The following CNTNAP2 variants were observed in gnomAD, a reference collection of about 807,000 sequenced individuals.
CNTNAP2 encodes the protein contactin-associated protein-like 2.
In CNTNAP2, 98 loss-of-function variants were observed where a neutral mutation model predicts 155.2. The ratio of observed to expected loss-of-function variants is 0.63; its 90% confidence interval spans 0.54 to 0.75. The LOEUF is 0.75. CNTNAP2 is among the 30% of genes least tolerant of loss of function. The pLI is 0.00. For synonymous variants in CNTNAP2, 651 were observed against 631.2 expected (o/e 1.03, Z -0.47); for missense variants, 1,727 against 1,688.1 (o/e 1.02, Z -0.40).
At chr7:148,282,450 A>T (rs531547627) in intron 21 of CNTNAP2, among the ~76,000 whole-genome samples, 1 of 152,376 alleles carries the variant, frequency 6.6e-6, no homozygotes, top group South Asian at 2.1e-4. Flanking sequence ...GAATGATAGT[A>T]GTGCCAATAT....
rs543797073 is a variant in CNTNAP2 at position 146,620,070 on chromosome 7, T to G, written c.98-154201T>G. Among the ~76,000 whole-genome samples, 8 of 152,316 alleles carry G rather than the reference T, an allele frequency of 5.3e-5. No individual in the cohort carries two copies. The South Asian group carries it at 1.7e-3, about 32-fold the overall frequency. ...ATATATATTTAGAATTTAGACATTT[T>G]TATTCATCTTAACAGTTCTGTTCAC... On this transcript the variant is annotated intron_variant, in intron 1 of 23. Coordinates refer to ENST00000361727, the MANE Select transcript of CNTNAP2 (RefSeq NM_014141.6).
chr7:147,390,780 G>A (rs1796700046), intron 9 of CNTNAP2, among the ~76,000 whole-genome samples: 1 of 151,904 alleles, frequency 6.6e-6, no homozygotes, highest in African/African-American at 2.4e-5. Flanking sequence ...GTGTGGGAGG[G>A]AACTATACAG....
At chr7:147,266,076 G>T (rs1024835935) in intron 8 of CNTNAP2, among the ~76,000 whole-genome samples, 1 of 152,184 alleles carries the variant, frequency 6.6e-6, no homozygotes, top group Non-Finnish European at 1.5e-5. Flanking sequence ...AGGCCAGAGT[G>T]CCTCTTCTCC....
chr7:148,198,018 G>A (rs77788122), intron 18 of CNTNAP2, among the ~76,000 whole-genome samples: 382 of 152,328 alleles, frequency 2.5e-3, no homozygotes, highest in Non-Finnish European at 4.5e-3. Context: ...CTTAATCCAT[G>A]TATCTTTTCC....
intron 8 of CNTNAP2, among the ~76,000 whole-genome samples, chr7:147,285,794 G>A (rs1027154686): frequency 4.0e-5 from 6 of 151,862 alleles, no homozygotes; most frequent in Non-Finnish European, 8.8e-5. Context: ...CCTTGAAGAC[G>A]GGACCAATAG....
At chr7:147,173,902 T>C (rs1281034615) in intron 8 of CNTNAP2, among the ~76,000 whole-genome samples, 2 of 152,126 alleles carry the variant, frequency 1.3e-5, no homozygotes, top group Non-Finnish European at 2.9e-5. Flanking sequence ...TGAGTATACA[T>C]GGAGAAAATT....
chr7:148,045,440 C>T (rs1563179324), intron 15 of CNTNAP2, among the ~76,000 whole-genome samples: 2 of 148,748 alleles, frequency 1.3e-5, no homozygotes, highest in African/African-American at 2.5e-5. Flanking sequence ...GGGTCTTGGG[C>T]GTGAGTCAGG....
intron 9 of CNTNAP2, among the ~76,000 whole-genome samples, chr7:147,380,735 T>C (rs1054053386): frequency 6.6e-6 from 1 of 152,178 alleles, no homozygotes; most frequent in Middle Eastern, 3.2e-3. Flanking sequence ...TACCAAAATA[T>C]ATAGTCATAT....
rs568579181 is a variant in CNTNAP2 at position 147,935,284 on chromosome 7, A to G, written c.2255+31563A>G. Among the ~76,000 whole-genome samples, 8 of 151,938 alleles carry G rather than the reference A, an allele frequency of 5.3e-5. No individual in the cohort carries two copies. The South Asian group carries it at 1.7e-3, about 32-fold the overall frequency. On this transcript the variant is annotated intron_variant, in intron 14 of 23. Coordinates refer to ENST00000361727, the MANE Select transcript of CNTNAP2 (RefSeq NM_014141.6). The stretch of plus-strand genomic sequence containing the variant: ...TGGGATTACAGGCACACGTCACCAC[A>G]CCTGGCTAATTTTTGCATTTTTAGT...
chr7:147,780,696 G>A (rs1045156963), intron 13 of CNTNAP2, among the ~76,000 whole-genome samples: 11 of 152,098 alleles, frequency 7.2e-5, no homozygotes, highest in African/African-American at 2.4e-4. Context: ...AGCTCATTCC[G>A]GTTCCCCTTT....
chr7:146,431,018 G>A (rs1337532375), intron 1 of CNTNAP2, among the ~76,000 whole-genome samples: 1 of 151,920 alleles, frequency 6.6e-6, no homozygotes, highest in Admixed American at 6.6e-5. Flanking sequence ...ACTACATATT[G>A]AGAACTGCTG....
chr7:146,352,748 C>CTTT (rs1201897985), intron 1 of CNTNAP2, among the ~76,000 whole-genome samples: 7 of 66,194 alleles, frequency 1.1e-4, no homozygotes, highest in African/African-American at 6.6e-4. Context: ...TAGCATAATT[C>CTTT]TGTTTTTTTT....
At chr7:147,052,681 G>A (rs1358470864) in intron 4 of CNTNAP2, among the ~76,000 whole-genome samples, 1 of 151,636 alleles carries the variant, frequency 6.6e-6, no homozygotes, top group East Asian at 1.9e-4. Context: ...CTGCTTCATG[G>A]GTTATGTATA....
At chr7:147,647,576 C>G (rs187877306) in intron 13 of CNTNAP2, among the ~76,000 whole-genome samples, 2 of 152,230 alleles carry the variant, frequency 1.3e-5, no homozygotes, top group East Asian at 3.9e-4. Context: ...CATGGCTTTT[C>G]TTGCTCTTCA....
chr7:147,943,749 A>G (rs1285593966), intron 14 of CNTNAP2, among the ~76,000 whole-genome samples: 1 of 134,230 alleles, frequency 7.4e-6, no homozygotes, highest in East Asian at 2.5e-4. Context: ...CCTGAGCAAC[A>G]AAGTGAGACC....
chr7:147,136,038 A>G (rs1360508282), intron 8 of CNTNAP2, among the ~76,000 whole-genome samples: 1 of 151,500 alleles, frequency 6.6e-6, no homozygotes, highest in Admixed American at 6.6e-5. Flanking sequence ...AAAAAAAAAA[A>G]CCTACCTTTT....
chr7:148,357,156 T>A (rs1017034303), intron 21 of CNTNAP2, among the ~76,000 whole-genome samples: 39 of 152,128 alleles, frequency 2.6e-4, no homozygotes, highest in African/African-American at 9.4e-4. Flanking sequence ...GGGACGTAAT[T>A]GAATCATGGG....
At chr7:147,933,271 A>G (rs1215737926) in intron 14 of CNTNAP2, among the ~76,000 whole-genome samples, 1 of 152,134 alleles carries the variant, frequency 6.6e-6, no homozygotes, top group African/African-American at 2.4e-5. Flanking sequence ...AATGTTCTCA[A>G]AAAAATTAAA....
intron 3 of CNTNAP2, among the ~76,000 whole-genome samples, chr7:147,005,604 G>A (rs1489824024): frequency 6.6e-6 from 1 of 152,004 alleles, no homozygotes; most frequent in Non-Finnish European, 1.5e-5. Flanking sequence ...AAGGATATGG[G>A]CCAGGGTGCA....
Sources: allele counts gnomAD v4.1 joint callset (sites outside exome capture counted in the v4.1 genomes callset), GRCh38; gene constraint gnomAD v4.1.1; transcripts MANE v1.5; gene names NCBI Gene and HGNC (gene_info 2026-07-23, HGNC 2026-07-21).